MAGI1: variants seen among roughly 807,000 people sequenced by gnomAD.
MAGI1 encodes the protein membrane-associated guanylate kinase, WW and PDZ domain-containing protein 1.
Under a neutral mutation model 139.9 loss-of-function variants are expected in MAGI1, and 58 were observed. The ratio of observed to expected loss-of-function variants is 0.41; its 90% confidence interval spans 0.34 to 0.52. MAGI1 has a LOEUF of 0.52. Ranked by LOEUF, MAGI1 falls within the 20% of genes least tolerant of loss-of-function variation. The probability of loss-of-function intolerance (pLI) is 0.12; values close to 1 mark genes in which losing one functional copy is unlikely to be tolerated. For missense variants in MAGI1, 1,874 were observed against 1,901.6 expected (o/e 0.99, Z 0.27); for synonymous variants, 812 against 737.9 (o/e 1.10, Z -1.63).
intron 7 of MAGI1, among the ~76,000 whole-genome samples, chr3:65,447,318 A>T (rs1043266890): frequency 2.0e-5 from 3 of 152,248 alleles, no homozygotes; most frequent in Admixed American, 6.5e-5. Flanking sequence ...ATATTCCAAT[A>T]GCAAAGAAAC....
chr3:65,684,385 C>A (rs2087842011), intron 1 of MAGI1, among the ~76,000 whole-genome samples: 1 of 152,070 alleles, frequency 6.6e-6, no homozygotes, highest in African/African-American at 2.4e-5. Context: ...AGTGGTTAAA[C>A]TGTGGTATAC....
At chr3:65,565,549 T>C (rs1036156029) in intron 2 of MAGI1, among the ~76,000 whole-genome samples, 1 of 152,160 alleles carries the variant, frequency 6.6e-6, no homozygotes, top group African/African-American at 2.4e-5. Flanking sequence ...TGGACAACAC[T>C]ACTCTCATTA....
intron 1 of MAGI1, among the ~76,000 whole-genome samples, chr3:65,916,855 T>G (rs1199680759): frequency 6.6e-6 from 1 of 151,720 alleles, no homozygotes; most frequent in Non-Finnish European, 1.5e-5. Context: ...AATGAAATAA[T>G]GAGGATAGGA....
chr3:65,828,750 C>T (rs891587631), intron 1 of MAGI1, among the ~76,000 whole-genome samples: 1 of 152,196 alleles, frequency 6.6e-6, no homozygotes, highest in African/African-American at 2.4e-5. Flanking sequence ...GGGGATTACT[C>T]TGGATTACCT....
At chr3:65,658,846 A>C (rs2086031572) in intron 1 of MAGI1, among the ~76,000 whole-genome samples, 1 of 152,168 alleles carries the variant, frequency 6.6e-6, no homozygotes, top group African/African-American at 2.4e-5. Flanking sequence ...GTCCAGTCTA[A>C]ATCTGAGGGT....
intron 3 of MAGI1, among the ~76,000 whole-genome samples, chr3:65,492,781 G>T (rs1186254441): frequency 6.6e-6 from 1 of 152,108 alleles, no homozygotes; most frequent in Admixed American, 6.6e-5. Context: ...GGTATATGAA[G>T]ATTACTTAGC....
At chr3:65,702,757 C>G (rs933638795) in intron 1 of MAGI1, among the ~76,000 whole-genome samples, 1 of 152,054 alleles carries the variant, frequency 6.6e-6, no homozygotes, top group Non-Finnish European at 1.5e-5. Context: ...ACTTACTTAT[C>G]TCCTTCAGGA....
intron 1 of MAGI1, among the ~76,000 whole-genome samples, chr3:65,916,798 CACAT>C (rs2061929812): frequency 6.6e-6 from 1 of 152,022 alleles, no homozygotes; most frequent in Admixed American, 6.6e-5. Context: ...CACACACACA[CACAT>C]ACACACACAC....
chr3:65,855,535 T>C (rs1021940877), intron 1 of MAGI1, among the ~76,000 whole-genome samples: 6 of 126,898 alleles, frequency 4.7e-5, no homozygotes, highest in Admixed American at 3.6e-4. Context: ...CCCAGAGTTA[T>C]AGGCTGCAGT....
intron 1 of MAGI1, among the ~76,000 whole-genome samples, chr3:65,994,119 C>T (rs958939896): frequency 6.6e-6 from 1 of 151,742 alleles, no homozygotes; most frequent in South Asian, 2.1e-4. Context: ...ACTAAAAATA[C>T]AAAAATTAGC....
chr3:65,887,192 T>C (rs2060569163), intron 1 of MAGI1, among the ~76,000 whole-genome samples: 2 of 152,054 alleles, frequency 1.3e-5, no homozygotes, highest in Non-Finnish European at 2.9e-5. Flanking sequence ...TGAAAAAATA[T>C]ATCCCAAACT....
At chr3:65,448,899 T>C (rs904256206) in intron 6 of MAGI1, among the ~76,000 whole-genome samples, 12 of 152,094 alleles carry the variant, frequency 7.9e-5, no homozygotes, top group East Asian at 5.8e-4. Context: ...AATCATTTCA[T>C]ACATAATGTT....
chr3:65,803,199 T>A (rs2040626600), intron 1 of MAGI1, among the ~76,000 whole-genome samples: 1 of 152,172 alleles, frequency 6.6e-6, no homozygotes, highest in Non-Finnish European at 1.5e-5. Flanking sequence ...AGTAAAGTGA[T>A]GTCAATTAAA....
intron 1 of MAGI1, among the ~76,000 whole-genome samples, chr3:65,892,917 G>T (rs1003898789): frequency 1.6e-4 from 25 of 152,152 alleles, no homozygotes; most frequent in African/African-American, 5.6e-4. Flanking sequence ...AGGGTCAGAG[G>T]CAGAAACAAA....
At chr3:65,628,203 T>C (rs1348001847) in intron 1 of MAGI1, among the ~76,000 whole-genome samples, 3 of 152,182 alleles carry the variant, frequency 2.0e-5, no homozygotes, top group Admixed American at 6.5e-5. Context: ...TAAATAGTTT[T>C]GGTGGTCCTG....
At chr3:65,736,070 G>A (rs997591596) in intron 1 of MAGI1, among the ~76,000 whole-genome samples, 3 of 152,182 alleles carry the variant, frequency 2.0e-5, no homozygotes, top group South Asian at 2.1e-4. Context: ...TCTCCCAGAC[G>A]CAGAATTTTC....
chr3:65,988,674 G>C (rs1285443270), intron 1 of MAGI1, among the ~76,000 whole-genome samples: 1 of 152,180 alleles, frequency 6.6e-6, no homozygotes, highest in East Asian at 1.9e-4. Context: ...CAAGCACTAA[G>C]ATGAGCCCAG....
chr3:65,979,503 T>C (rs191368064), intron 1 of MAGI1, among the ~76,000 whole-genome samples: 52 of 152,312 alleles, frequency 3.4e-4, no homozygotes, highest in African/African-American at 1.2e-3. Context: ...TCTTTGGTGA[T>C]GTGCTAGTAA....
chr3:65,433,371 A>C (rs1947603562), intron 10 of MAGI1, among the ~76,000 whole-genome samples: 1 of 152,180 alleles, frequency 6.6e-6, no homozygotes, highest in Non-Finnish European at 1.5e-5. Context: ...ATGTTAACTT[A>C]ATAAAGACAT....
Sources: allele counts gnomAD v4.1 joint callset (sites outside exome capture counted in the v4.1 genomes callset), GRCh38; gene constraint gnomAD v4.1.1; transcripts MANE v1.5; gene names NCBI Gene and HGNC (gene_info 2026-07-23, HGNC 2026-07-21).